Variants in RASGRP3 observed in about 807,000 individuals in gnomAD.
The protein encoded by RASGRP3 is ras guanyl-releasing protein 3.
A neutral mutation model predicts 82.7 loss-of-function variants in RASGRP3; 54 were observed. That is an observed-to-expected ratio of 0.65 (90% CI 0.52 to 0.82). The LOEUF is 0.82. Among genes scored for constraint, RASGRP3 ranks in the 40% least tolerant of loss-of-function variants. The pLI is 0.00. For missense variants in RASGRP3, 861 were observed against 828.9 expected (o/e 1.04, Z -0.48); for synonymous variants, 309 against 300.5 (o/e 1.03, Z -0.29).
rs537465258 is a variant in RASGRP3, at chr2:33,559,349, G to A, written c.2064+319G>A. 3.3e-5 allele frequency among the ~76,000 whole-genome samples: 5 copies of A among 152,266 alleles called. No homozygotes were observed. The South Asian group carries it at 1.0e-3, about 32-fold the overall frequency. ...CTATATATCCAAAATACCAGTACAC[G>A]ATACAGATCAGCTTGGTTTTCCAAG... On this transcript the variant is annotated intron_variant, in intron 17 of 17. Transcript: ENST00000403687.
At chr2:33,510,471 C>T (rs922623051) in intron 1 of RASGRP3, among the ~76,000 whole-genome samples, 1 of 152,180 alleles carries the variant, frequency 6.6e-6, no homozygotes, top group African/African-American at 2.4e-5. Context: ...ATTGGAGTCC[C>T]TTGCTGGTGA....
At chr2:33,450,734 T>A (rs995667198) in intron 2 of RASGRP3, among the ~76,000 whole-genome samples, 4 of 151,400 alleles carry the variant, frequency 2.6e-5, no homozygotes, top group Non-Finnish European at 5.9e-5. Context: ...GGATAAATAC[T>A]CAGAAGTGGG....
chr2:33,537,966 C>T lies in RASGRP3; in HGVS notation c.1162-1128C>T, dbSNP rs144483362. 4.6e-5 allele frequency among the ~76,000 whole-genome samples: 7 copies of T among 152,306 alleles called. No homozygotes were observed. In the East Asian group the frequency reaches 1.3e-3, roughly 29 times the overall value. ...ATGATTGGCAGAACAGTCAGAAGTG[C>T]TTAAGCGTATTGAGCAAGGTGCAGA... On this transcript the variant is annotated intron_variant, in intron 11 of 17. Coordinates refer to ENST00000403687, the MANE Select transcript of RASGRP3 (RefSeq NM_001139488.2).
intron 10 of RASGRP3, among the ~76,000 whole-genome samples, chr2:33,528,093 C>G (rs946794214): frequency 6.6e-6 from 1 of 152,206 alleles, no homozygotes; most frequent in African/African-American, 2.4e-5. Flanking sequence ...CTTTCTGGAG[C>G]ATTCTCTCTC....
At chr2:33,452,634 G>T (rs990882645) in intron 2 of RASGRP3, among the ~76,000 whole-genome samples, 1 of 152,152 alleles carries the variant, frequency 6.6e-6, no homozygotes, top group African/African-American at 2.4e-5. Flanking sequence ...GTTCATAGAG[G>T]CCCACTTTGT....
chr2:33,539,218 G>T lies in RASGRP3; in HGVS notation c.1278+8G>T. ...ATAAGGAAATTAGTGGAGGTAAGTG[G>T]TTGAGGGAGAATAAAGAGAGGGCAC... On this transcript the variant is annotated splice_region_variant and intron_variant, in intron 12 of 17. Coordinates refer to ENST00000403687, the MANE Select transcript of RASGRP3 (RefSeq NM_001139488.2). 1 of 1,580,600 alleles carries T rather than the reference G, an allele frequency of 6.3e-7. No homozygotes were observed. Among genetic ancestry groups the T allele is most frequent in the Non-Finnish European group, 8.6e-7 (1 of 1,156,846 alleles).
chr2:33,510,280 A>C (rs1399797464), intron 1 of RASGRP3, among the ~76,000 whole-genome samples: 2 of 152,016 alleles, frequency 1.3e-5, no homozygotes, highest in African/African-American at 2.4e-5. Flanking sequence ...GGCCAACATC[A>C]TTTCAAAACG....
chr2:33,463,285 G>A (rs1666481822), intron 2 of RASGRP3, among the ~76,000 whole-genome samples: 1 of 152,166 alleles, frequency 6.6e-6, no homozygotes, highest in Non-Finnish European at 1.5e-5. Context: ...TAGATGGACA[G>A]AGAATGTTAA....
chr2:33,472,870 C>CAAAAAAAAAAA (rs57159320), upstream of RASGRP3, among the ~76,000 whole-genome samples: 4 of 68,088 alleles, frequency 5.9e-5, no homozygotes, highest in Admixed American at 1.8e-4. Context: ...GACTCCGTCT[C>CAAAAAAAAAAA]AAAAAAAAAA....
intron 2 of RASGRP3, among the ~76,000 whole-genome samples, chr2:33,464,101 A>AAT (rs1666538780): frequency 7.0e-6 from 1 of 142,238 alleles, no homozygotes; most frequent in African/African-American, 2.7e-5. Context: ...CAAACTTAAT[A>AAT]ATAATAATAA....
intron 4 of RASGRP3, among the ~76,000 whole-genome samples, chr2:33,519,482 G>A (rs1671800652): frequency 6.6e-6 from 1 of 152,090 alleles, no homozygotes; most frequent in Admixed American, 6.6e-5. Flanking sequence ...CAGGCATGTT[G>A]GCGGGTTCCC....
chr2:33,472,474 C>T (rs1440851681), upstream of RASGRP3, among the ~76,000 whole-genome samples: 3 of 152,038 alleles, frequency 2.0e-5, no homozygotes, highest in South Asian at 2.1e-4. Context: ...AGGAAATCAC[C>T]GCAGACCTTC....
chr2:33,516,366 C>T (rs868002194), intron 3 of RASGRP3, among the ~76,000 whole-genome samples, 176 bp from the exon 4 acceptor site: 1 of 152,200 alleles, frequency 6.6e-6, no homozygotes, highest in Non-Finnish European at 1.5e-5. Context: ...GAGATCATGC[C>T]AGTGCACTCC....
intron 1 of RASGRP3, among the ~76,000 whole-genome samples, chr2:33,510,250 A>G (rs1670804372): frequency 6.6e-6 from 1 of 152,268 alleles, no homozygotes; most frequent in Non-Finnish European, 1.5e-5. Flanking sequence ...AGACAAGACA[A>G]TTGTTGAAAG....
intron 1 of RASGRP3, among the ~76,000 whole-genome samples, chr2:33,486,688 G>A (rs1243418318): frequency 1.3e-5 from 2 of 152,168 alleles, no homozygotes; most frequent in Non-Finnish European, 2.9e-5. Flanking sequence ...ACTATATCAG[G>A]ATGAACCAGG....
At chr2:33,478,660 C>G (rs980227655) in intron 1 of RASGRP3, among the ~76,000 whole-genome samples, 19 of 152,108 alleles carry the variant, frequency 1.2e-4, no homozygotes, top group African/African-American at 3.9e-4. Flanking sequence ...GATAGTACAT[C>G]CATTGACTCA....
rs1674502740 is a variant in RASGRP3, at chr2:33,543,937, G to C, written c.1394+310G>C. On this transcript the variant is annotated intron_variant, in intron 13 of 17. Coordinates refer to ENST00000403687, the MANE Select transcript of RASGRP3 (RefSeq NM_001139488.2). Reference sequence around the variant, plus strand: ...AAAAAATCTCCACCAAAAAAGAGTAGAGGAGAAATATTGTTAGATCTAACC... The same window carrying C: ...AAAAAATCTCCACCAAAAAAGAGTACAGGAGAAATATTGTTAGATCTAACC... Among the ~76,000 whole-genome samples the C allele has an allele frequency of 2.0e-5, 3 of 152,204 alleles. No individual in the cohort carries two copies. In the South Asian group the frequency reaches 6.2e-4, roughly 32 times the overall value.
intron 4 of RASGRP3, among the ~76,000 whole-genome samples, chr2:33,519,452 T>C (rs1276244308): frequency 6.6e-6 from 1 of 152,036 alleles, no homozygotes; most frequent in Non-Finnish European, 1.5e-5. Flanking sequence ...CCGTCTCTAC[T>C]AAAAATACAA....
chr2:33,486,083 G>A (rs368596286), intron 1 of RASGRP3, among the ~76,000 whole-genome samples: 15 of 152,086 alleles, frequency 9.9e-5, no homozygotes, highest in African/African-American at 3.6e-4. Context: ...CAAAAGTAAG[G>A]GACAACATCC....
Sources: gnomAD v4.1 joint callset for allele counts (sites outside exome capture counted in the v4.1 genomes callset) on GRCh38, gnomAD v4.1.1 for gene constraint, MANE v1.5 for transcripts, NCBI Gene and HGNC (gene_info 2026-07-23, HGNC 2026-07-21) for gene names.